Variants in NFIX observed in about 807,000 individuals in gnomAD.
NFIX encodes the protein nuclear factor 1 X-type.
NFIX carries 2 observed loss-of-function variants against 53.3 expected under a neutral mutation model. That is an observed-to-expected ratio of 0.04 (90% CI 0.02 to 0.12). NFIX has a LOEUF of 0.12. Among genes scored for constraint, NFIX ranks in the 10% least tolerant of loss-of-function variants. NFIX has a pLI of 1.00. For missense variants in NFIX, 310 were observed against 674.5 expected, an observed-to-expected ratio of 0.46 and a Z score of 5.99; for synonymous variants, 244 against 289.0, an observed-to-expected ratio of 0.84 and a Z score of 1.58.
In NFIX at chr19:13,030,859, A is replaced by G. The variant is rs553320649; in HGVS notation, c.559+5307A>G. Among the ~76,000 whole-genome samples the G allele has an allele frequency of 3.9e-5, 6 of 152,320 alleles. No homozygotes were observed. The South Asian group carries it at 1.0e-3, about 26-fold the overall frequency. On this transcript the variant is annotated intron_variant, in intron 2 of 10. Coordinates refer to ENST00000592199, the MANE Select transcript of NFIX (RefSeq NM_001365902.3). ...ATGAAAATGTGGGGCTCCTTGTTCAAAATTTTTAGGAATTACAGCACGACA... is the reference window on the plus strand; with the variant it reads ...ATGAAAATGTGGGGCTCCTTGTTCAGAATTTTTAGGAATTACAGCACGACA...
intron 2 of NFIX, among the ~76,000 whole-genome samples, chr19:13,055,007 C>T (rs1021439070): frequency 2.0e-5 from 3 of 152,100 alleles, no homozygotes; most frequent in South Asian, 2.1e-4. Context: ...GAGAACTTTC[C>T]GTCGGTTCTT....
In NFIX at chr19:12,998,274, C is replaced by A. The variant is rs540104273; in HGVS notation, c.27+2410C>A. ...CCATCTCTGCTCCCCCCTCCACTGGCGTCTCGGACTCTCTCTCTCTCTGTC... is the reference window on the plus strand; with the variant it reads ...CCATCTCTGCTCCCCCCTCCACTGGAGTCTCGGACTCTCTCTCTCTCTGTC... On this transcript the variant is annotated intron_variant, in intron 1 of 10. Transcript: ENST00000592199. This position sits in a 1 kb window ranked among gnomAD's most constrained non-coding sequence, Gnocchi z 4.4. Among the ~76,000 whole-genome samples the A allele has an allele frequency of 6.6e-6, 1 of 151,802 alleles. No homozygotes were observed. Among genetic ancestry groups the A allele is most frequent in the Non-Finnish European group, 1.5e-5 (1 of 67,964 alleles).
Position 13,078,219 on chromosome 19 carries a change from C to T in NFIX, c.956-394C>T, listed in dbSNP as rs2017229107. 6.6e-6 allele frequency among the ~76,000 whole-genome samples: 1 copy of T among 152,220 alleles called. No individual in the cohort carries two copies. Among genetic ancestry groups the T allele is most frequent in the African/African-American group, 2.4e-5 (1 of 41,448 alleles). On this transcript the variant is annotated intron_variant, in intron 6 of 10. Transcript: ENST00000592199. The surrounding 1 kb of genome is among the most constrained non-coding windows in gnomAD (Gnocchi z 4.7). Reference sequence around the variant, plus strand: ...CCTGTCCCTCCCAAACTTACCCCTTCCCGGCTCTCAAGCTGGCGCCCTGGG... The same window carrying T: ...CCTGTCCCTCCCAAACTTACCCCTTTCCGGCTCTCAAGCTGGCGCCCTGGG...
intron 2 of NFIX, among the ~76,000 whole-genome samples, chr19:13,054,240 C>CA (rs2015510746): frequency 6.6e-6 from 1 of 152,180 alleles, no homozygotes; most frequent in South Asian, 2.1e-4. Context: ...GGTTCAACTC[C>CA]ATCCCAGCTC....
chr19:13,022,572 G>A lies in NFIX; in HGVS notation c.28-2449G>A, dbSNP rs2012996702. Among the ~76,000 whole-genome samples the A allele has an allele frequency of 6.6e-6, 1 of 151,428 alleles. No homozygotes were observed. The highest frequency in any genetic ancestry group is 1.5e-5 in the Non-Finnish European group (1 of 67,890). On this transcript the variant is annotated intron_variant, in intron 1 of 10. Coordinates refer to ENST00000592199, the MANE Select transcript of NFIX (RefSeq NM_001365902.3). This position sits in a 1 kb window ranked among gnomAD's most constrained non-coding sequence, Gnocchi z 4.5. ...TGGCCGGGGAGGAAAACTTCCACTC[G>A]CCCCTGTGTGCTCCATAGGAAGAAA...
chr19:13,017,262 C>T (rs1177319806), intron 1 of NFIX, among the ~76,000 whole-genome samples: 1 of 152,230 alleles, frequency 6.6e-6, no homozygotes, highest in Non-Finnish European at 1.5e-5. Context: ...GTGTCATTCT[C>T]TGCAGGGGCT....
chr19:13,016,864 A>T (rs551175477), intron 1 of NFIX, among the ~76,000 whole-genome samples: 20 of 152,212 alleles, frequency 1.3e-4, no homozygotes, highest in African/African-American at 3.1e-4. Context: ...CCGGGCAGGT[A>T]CTGACAGCTT....
At position 13,096,394 on chromosome 19, in the gene NFIX, T is replaced by G; in HGVS notation, c.*1745T>G. 1.3e-5 allele frequency: 2 copies of G among 150,494 alleles called. No individual in the cohort carries two copies. Among genetic ancestry groups the G allele is most frequent in the African/African-American group, 4.9e-5 (2 of 40,688 alleles). The allele number at this position is 150,494 out of a possible 1,614,324, so 9.3% of individuals were successfully genotyped here. On this transcript the variant is annotated 3_prime_UTR_variant, in exon 11 of 11. Coordinates refer to ENST00000592199, the MANE Select transcript of NFIX (RefSeq NM_001365902.3). The stretch of plus-strand genomic sequence containing the variant: ...GAGGGAGTGACGGGAGGGGAGGAGG[T>G]CAGCGACCTGGGGCCGTAGCGGCAG...
chr19:13,082,948 G>A (rs1344986583), intron 8 of NFIX, among the ~76,000 whole-genome samples: 1 of 152,232 alleles, frequency 6.6e-6, no homozygotes, highest in African/African-American at 2.4e-5. Context: ...CATTTGCTAA[G>A]TGCTGGTGTA....
At chr19:13,039,027 G>A (rs2014415995) in intron 2 of NFIX, among the ~76,000 whole-genome samples, 1 of 152,122 alleles carries the variant, frequency 6.6e-6, no homozygotes, top group Non-Finnish European at 1.5e-5. Context: ...CGAACACAAA[G>A]GCCATTGCTC....
In NFIX at chr19:13,090,309, G is replaced by C; in HGVS notation, c.1413G>C (p.Thr471=). The C allele has an allele frequency of 6.2e-7, 1 of 1,613,946 alleles. No homozygotes were observed. Among genetic ancestry groups the C allele is most frequent in the Non-Finnish European group, 8.5e-7 (1 of 1,179,882 alleles). ...ALTPPSPSFA[T]TGASSANRFV... The stretch of plus-strand genomic sequence containing the variant: ...CCCTGCTCCCCACAGCATTCGCAAC[G>C]ACAGGCGCCTCCTCTGCCAACCGGT... The change falls in exon 10 of 11, where the codon ACG becomes ACC. Residue 471 remains threonine, a synonymous_variant. Transcript: ENST00000592199. The surrounding 1 kb of genome is among the most constrained non-coding windows in gnomAD (Gnocchi z 6.6).
At position 13,023,070 on chromosome 19, in the gene NFIX, T is replaced by TTCTCTCTCTCTCTCTCTCTCTCTCTCTC. The variant is rs3840930; in HGVS notation, c.28-1924_28-1923insCTCTCTCTCTCTCTCTCTCTCTCTCTCT. On this transcript the variant is annotated intron_variant, in intron 1 of 10. Transcript: ENST00000592199. Reference sequence around the variant, plus strand: ...CAAATAGGTGGATCCTTCTCTCTCTTTCTCTCTCTCTCTCTCTCTCTCTCT... The same window carrying TTCTCTCTCTCTCTCTCTCTCTCTCTCTC: ...CAAATAGGTGGATCCTTCTCTCTCTTTCTCTCTCTCTCTCTCTCTCTCTCTCTCTCTCTCTCTCTCTCTCTCTCTCTCT... Among the ~76,000 whole-genome samples the TTCTCTCTCTCTCTCTCTCTCTCTCTCTC allele has an allele frequency of 2.7e-4, 37 of 138,032 alleles. 1 individual carries two copies. The highest frequency in any genetic ancestry group is 3.4e-3 in the Middle Eastern group (1 of 296). 90.6% of individuals were successfully genotyped at this position (138,032 alleles called of 152,430 possible).
At chr19:13,054,575 TA>T (rs2015531315) in intron 2 of NFIX, among the ~76,000 whole-genome samples, 3 of 152,218 alleles carry the variant, frequency 2.0e-5, no homozygotes, top group Admixed American at 2.0e-4. Flanking sequence ...CTGAGGCCAG[TA>T]CCCCAGGGAG....
rs146366555 is a variant in NFIX, at chr19:13,040,790, C to T, written c.559+15238C>T. 2.0e-5 allele frequency among the ~76,000 whole-genome samples: 3 copies of T among 152,148 alleles called. No homozygotes were observed. Among genetic ancestry groups the T allele is most frequent in the Admixed American group, 6.5e-5 (1 of 15,278 alleles). On this transcript the variant is annotated intron_variant, in intron 2 of 10. Coordinates refer to ENST00000592199, the MANE Select transcript of NFIX (RefSeq NM_001365902.3). The surrounding 1 kb of genome is among the most constrained non-coding windows in gnomAD (Gnocchi z 4.2). ...CTCGCGCACACACACAGCCACTTCT[C>T]GAAGCAGATCTTAAAGTTGATTCTG...
At chr19:13,087,058 A>C (rs1228465333) in intron 8 of NFIX, among the ~76,000 whole-genome samples, 1 of 152,228 alleles carries the variant, frequency 6.6e-6, no homozygotes, top group Non-Finnish European at 1.5e-5. Context: ...TGCAGTGGTC[A>C]TCAGGGTCCT....
Position 13,025,149 on chromosome 19 carries a change from G to C in NFIX, c.156G>C (p.Glu52Asp), listed in dbSNP as rs777922486. 5.6e-6 allele frequency: 9 copies of C among 1,614,234 alleles called. No individual in the cohort carries two copies. Among genetic ancestry groups the C allele is most frequent in the Non-Finnish European group, 7.6e-6 (9 of 1,180,048 alleles). Residue 52 changes from glutamate to aspartate, a missense_variant, in exon 2 of 11, where the codon GAG (glutamate) becomes GAC (aspartate). Physicochemically the swap from Glu to Asp is conservative, Grantham distance 45. This residue lies in a region of NFIX where 64 missense variants were observed against 144.5 expected (regional missense o/e 0.44). Coordinates refer to ENST00000592199, the MANE Select transcript of NFIX (RefSeq NM_001365902.3). This position sits in a 1 kb window ranked among gnomAD's most constrained non-coding sequence, Gnocchi z 7.5. ...ATGAAAAGCGGATGTCGAAGGACGA[G>C]GAGCGGGCGGTGAAGGACGAGCTGC... ...KKHEKRMSKDEERAVKDELLG... is the reference protein window; with the variant it reads ...KKHEKRMSKDDERAVKDELLG...
intron 2 of NFIX, among the ~76,000 whole-genome samples, chr19:13,034,430 G>A (rs1448586936): frequency 6.6e-6 from 1 of 152,162 alleles, no homozygotes; most frequent in African/African-American, 2.4e-5. Context: ...AGGTTGGCTG[G>A]ATGCTCTCAC....
In NFIX at chr19:13,098,468, G is replaced by T. The variant is rs2018597155; in HGVS notation, c.*3819G>T. 6.6e-6 allele frequency: 1 copy of T among 152,430 alleles called. No homozygotes were observed. The highest frequency in any genetic ancestry group is 2.4e-5 in the African/African-American group (1 of 41,364). 9.4% of individuals were successfully genotyped at this position (152,430 alleles called of 1,614,324 possible). The stretch of plus-strand genomic sequence containing the variant: ...GAGTATCTCTATATATAGTACTAAT[G>T]GATTTGGTGTGCTTCCCCCTTAGCG... On this transcript the variant is annotated 3_prime_UTR_variant, in exon 11 of 11. Transcript: ENST00000592199.
chr19:13,069,141 G>A (rs1448505532), intron 2 of NFIX, among the ~76,000 whole-genome samples: 1 of 152,146 alleles, frequency 6.6e-6, no homozygotes, highest in East Asian at 1.9e-4. Flanking sequence ...GGAAGCAGCA[G>A]CACCCACTCT....
Sources: gnomAD v4.1 joint callset for allele counts (sites outside exome capture counted in the v4.1 genomes callset) on GRCh38, gnomAD v4.1.1 for gene constraint, gnomAD v4.1.1 regional missense constraint, Gnocchi (gnomAD v3.1) non-coding constraint, MANE v1.5 for transcripts, NCBI Gene and HGNC (gene_info 2026-07-23, HGNC 2026-07-21) for gene names.